The following PLEKHG6 variants were observed in gnomAD, a reference collection of about 807,000 sequenced individuals.
PLEKHG6 encodes pleckstrin homology and RhoGEF domain containing G6, also known as pleckstrin homology domain-containing family G member 6.
A neutral mutation model predicts 97.5 loss-of-function variants in PLEKHG6; 91 were observed. The ratio of observed to expected loss-of-function variants is 0.93; its 90% CI spans 0.79 to 1.11. PLEKHG6 has a LOEUF of 1.11. Among genes scored for constraint, PLEKHG6 ranks in the 50% most tolerant of loss-of-function variants. The probability of loss-of-function intolerance (pLI) is 0.00; values close to 1 mark genes in which losing one functional copy is unlikely to be tolerated. For missense variants in PLEKHG6, 1,044 were observed against 1,031.0 expected (o/e 1.01, Z -0.17); for synonymous variants, 466 against 425.5 (o/e 1.10, Z -1.17).
chr12:6,321,604 C>A (rs1286044934), intron 13 of PLEKHG6, among the ~76,000 whole-genome samples: 1 of 150,564 alleles, frequency 6.6e-6, no homozygotes, highest in Admixed American at 6.6e-5. Context: ...TTTGGGAGGC[C>A]GAGGCGGGCC....
Position 6,317,310 on chromosome 12 carries a change from A to C in PLEKHG6, c.764A>C (p.Gln255Pro), listed in dbSNP as rs553887076. 2 of 1,612,920 alleles carry C rather than the reference A, an allele frequency of 1.2e-6. No homozygotes were observed. Among genetic ancestry groups the C allele is most frequent in the Non-Finnish European group, 1.7e-6 (2 of 1,178,994 alleles). ...GLQSGFLTFGQRFHPYVQYCL... is the reference protein window; with the variant it reads ...GLQSGFLTFGPRFHPYVQYCL... Reference sequence around the variant, plus strand: ...CCGTATCTGTCTCTCCAGTTTGGCCAGCGGTTCCACCCCTATGTCCAGTAC... The same window carrying C: ...CCGTATCTGTCTCTCCAGTTTGGCCCGCGGTTCCACCCCTATGTCCAGTAC... The change falls in exon 8 of 16, where the codon CAG becomes CCG. Residue 255 changes from glutamine to proline, a missense_variant. Gln to Pro is a moderately conservative substitution (Grantham distance 76). Transcript: ENST00000684764.
At chr12:6,327,098 C>G (rs532004572) in intron 14 of PLEKHG6, among the ~76,000 whole-genome samples, 156 bp from the exon 15 acceptor site, 1 of 152,288 alleles carries the variant, frequency 6.6e-6, no homozygotes, top group South Asian at 2.1e-4. Flanking sequence ...AGCTTAAAAT[C>G]TAGCCAGCCA....
rs1230630651 is a variant in PLEKHG6, at chr12:6,327,960, G to A, written c.2363+14G>A. The A allele has an allele frequency of 6.6e-7, 1 of 1,506,816 alleles. No homozygotes were observed. Among genetic ancestry groups the A allele is most frequent in the African/African-American group, 1.4e-5 (1 of 71,960 alleles). The allele number at this position is 1,506,816 out of a possible 1,614,324, so 93.3% of individuals were successfully genotyped here. A position where few individuals can be genotyped will look rare whatever the true frequency, so the allele number is the denominator to read the frequency against. The stretch of plus-strand genomic sequence containing the variant: ...TCTGTCCGCATCGTAAGTGCTGGAG[G>A]GAAGCTGGCCTGGGAGGGGGCAGAC... On this transcript the variant is annotated intron_variant, in intron 15 of 15. Transcript: ENST00000684764.
rs1332179883 is a variant in PLEKHG6, at chr12:6,318,421, G to C, written c.1275+1G>C. ...AGTGAAGGAGGGACGAGAAGGGAAG[G>C]TGAGGGTGCTGCGGACAGAGTGGAG... On this transcript the variant is annotated splice_donor_variant, in intron 11 of 15. Coordinates refer to ENST00000684764, the MANE Select transcript of PLEKHG6 (RefSeq NM_001384598.1). LOFTEE classifies it high-confidence loss of function. The C allele has an allele frequency of 6.2e-7, 1 of 1,605,996 alleles. No individual in the cohort carries two copies. Among genetic ancestry groups the C allele is most frequent in the Non-Finnish European group, 8.5e-7 (1 of 1,176,506 alleles).
At chr12:6,322,963 G>T (rs1273707103) in intron 13 of PLEKHG6, among the ~76,000 whole-genome samples, 2 of 152,200 alleles carry the variant, frequency 1.3e-5, no homozygotes, top group Non-Finnish European at 2.9e-5. Flanking sequence ...CAAGCTAGTG[G>T]CATCGGTGTC....
rs368881387 is a variant in PLEKHG6, at chr12:6,315,956, C to T, written c.606+37C>T. 67 of 1,536,540 alleles carry T rather than the reference C, an allele frequency of 4.4e-5. No homozygotes were observed. Among genetic ancestry groups the T allele is most frequent in the African/African-American group, 3.8e-4 (28 of 73,158 alleles). ...CTCAGGAGGGGACCCTGGCACAGCC[C>T]GACCTCTGAGCCTGGGGATGAGGGT... is the stretch of plus-strand genomic sequence containing the variant. On this transcript the variant is annotated intron_variant, in intron 6 of 15. Transcript: ENST00000684764. This position sits in a 1 kb window ranked among gnomAD's most constrained non-coding sequence, Gnocchi z 4.5.
At position 6,318,425 on chromosome 12, in the gene PLEKHG6, G is replaced by A. The variant is rs770145625; in HGVS notation, c.1275+5G>A. 5 of 1,603,530 alleles carry A rather than the reference G, an allele frequency of 3.1e-6. No homozygotes were observed. Among genetic ancestry groups the A allele is most frequent in the Non-Finnish European group, 4.3e-6 (5 of 1,175,446 alleles). On this transcript the variant is annotated splice_donor_5th_base_variant and intron_variant, in intron 11 of 15. Coordinates refer to ENST00000684764, the MANE Select transcript of PLEKHG6 (RefSeq NM_001384598.1). ...AAGGAGGGACGAGAAGGGAAGGTGAGGGTGCTGCGGACAGAGTGGAGGGGA... is the reference window on the plus strand; with the variant it reads ...AAGGAGGGACGAGAAGGGAAGGTGAAGGTGCTGCGGACAGAGTGGAGGGGA...
intron 14 of PLEKHG6, among the ~76,000 whole-genome samples, chr12:6,326,892 C>T (rs960054926): frequency 2.0e-4 from 30 of 151,932 alleles, no homozygotes; most frequent in African/African-American, 6.8e-4. Flanking sequence ...GCCAAATCCC[C>T]GGGGAGTGTG....
chr12:6,327,324 G>A lies in PLEKHG6; in HGVS notation c.1741G>A (p.Val581Met). 6.2e-7 allele frequency: 1 copy of A among 1,614,010 alleles called. No individual in the cohort carries two copies. The highest frequency in any genetic ancestry group is 8.5e-7 in the Non-Finnish European group (1 of 1,179,938). The change falls in exon 15 of 16, where the codon GTG becomes ATG. Residue 581 changes from valine to methionine, a missense_variant. Coordinates refer to ENST00000684764, the MANE Select transcript of PLEKHG6 (RefSeq NM_001384598.1). Reference protein sequence around the residue: ...TEDTDEDAPLVPDDTSDSGYG... With the variant: ...TEDTDEDAPLMPDDTSDSGYG... ...AGACACAGATGAAGATGCTCCCCTT[G>A]TGCCAGATGATACCTCAGACTCTGG...
intron 13 of PLEKHG6, among the ~76,000 whole-genome samples, chr12:6,326,220 G>A (rs778306735): frequency 3.3e-5 from 5 of 152,042 alleles, no homozygotes; most frequent in Non-Finnish European, 7.4e-5. Context: ...CAGGAGAATC[G>A]CTTGAACCCA....
upstream of PLEKHG6, chr12:6,310,485 C>T (rs1354971636): frequency 6.6e-6 from 1 of 152,380 alleles, no homozygotes; most frequent in Non-Finnish European, 1.5e-5. Context: ...GGTCCCAGCC[C>T]TCCCGCTCGG....
At chr12:6,314,199 T>C (rs552904432) in intron 3 of PLEKHG6, among the ~76,000 whole-genome samples, 4 of 152,236 alleles carry the variant, frequency 2.6e-5, no homozygotes, top group African/African-American at 9.6e-5. Context: ...ACATTCTTGG[T>C]ACCAAAGAAA....
chr12:6,321,450 C>T (rs909939138), intron 13 of PLEKHG6, among the ~76,000 whole-genome samples: 3 of 151,988 alleles, frequency 2.0e-5, no homozygotes, highest in Non-Finnish European at 2.9e-5. Flanking sequence ...GTTTATTGTA[C>T]TAGTTTGGGT....
Position 6,328,231 on chromosome 12 carries a change from T to C in PLEKHG6, c.*86T>C. 3 of 1,358,984 alleles carry C rather than the reference T, an allele frequency of 2.2e-6. No homozygotes were observed. Among genetic ancestry groups the C allele is most frequent in the Non-Finnish European group, 3.1e-6 (3 of 952,566 alleles). 84.2% of individuals were successfully genotyped at this position (1,358,984 alleles called of 1,614,324 possible). On this transcript the variant is annotated 3_prime_UTR_variant, in exon 16 of 16. Coordinates refer to ENST00000684764, the MANE Select transcript of PLEKHG6 (RefSeq NM_001384598.1). ...GGTCACCCTCCGGCATCTGTGACTC[T>C]ACCTCAAGGACCACATTTCCCAAAG...
At chr12:6,323,846 T>C (rs1040741477) in intron 13 of PLEKHG6, among the ~76,000 whole-genome samples, 1 of 152,212 alleles carries the variant, frequency 6.6e-6, no homozygotes, top group Non-Finnish European at 1.5e-5. Flanking sequence ...GGGGTGGTCT[T>C]TGGGGCCTGG....
At chr12:6,314,566 C>G (rs141102765) in intron 3 of PLEKHG6, among the ~76,000 whole-genome samples, 1 of 152,220 alleles carries the variant, frequency 6.6e-6, no homozygotes, top group African/African-American at 2.4e-5. Flanking sequence ...TAAAAAATGC[C>G]ATTTTATAGG....
At chr12:6,312,685 G>A (rs187619270) in intron 2 of PLEKHG6, 1,054 of 1,184,006 alleles carry the variant, frequency 8.9e-4, no homozygotes, top group Non-Finnish European at 1.0e-3. Context: ...CCAGGCTCCC[G>A]CCTCTGCTTG....
In PLEKHG6 at chr12:6,316,639, A is replaced by G. The variant is rs7969548; in HGVS notation, c.756+235A>G. 0.57 allele frequency among the ~76,000 whole-genome samples: 86,212 copies of G among 151,896 alleles called. 24,938 individuals carry two copies. Among genetic ancestry groups the G allele is most frequent in the Non-Finnish European group, 0.61 (41,758 of 67,938 alleles). On this transcript the variant is annotated intron_variant, in intron 7 of 15. Transcript: ENST00000684764. The surrounding 1 kb of genome is among the most constrained non-coding windows in gnomAD (Gnocchi z 4.1). ...TGAAATGAAAATGCAGCTGTCTCAG[A>G]GAAGGGTCACACCTTGGCTCCCATC...
chr12:6,319,647 G>C, intron 13 of PLEKHG6: 2 of 1,536,078 alleles, frequency 1.3e-6, no homozygotes, highest in Non-Finnish European at 8.7e-7. Context: ...GCCACTGGGA[G>C]AGCCCAAGAT....
Sources: allele counts gnomAD v4.1 joint callset (sites outside exome capture counted in the v4.1 genomes callset), GRCh38; gene constraint gnomAD v4.1.1; non-coding constraint Gnocchi (gnomAD v3.1); transcripts MANE v1.5; gene names NCBI Gene and HGNC (gene_info 2026-07-23, HGNC 2026-07-21).